Variants in NTM observed in about 807,000 individuals in gnomAD.
NTM encodes the protein IgLON family member 2.
In NTM, 13 loss-of-function variants were observed where a neutral mutation model predicts 42.1. The ratio of observed to expected loss-of-function variants is 0.31; its 90% confidence interval spans 0.20 to 0.49. The LOEUF (loss-of-function observed/expected upper bound fraction) is 0.49, where lower values mean the gene tolerates loss of function less well. NTM is among the 20% of genes least tolerant of loss of function. The probability of loss-of-function intolerance (pLI) is 0.99; values close to 1 mark genes in which losing one functional copy is unlikely to be tolerated. For synonymous variants in NTM, 187 were observed against 179.2 expected, an observed-to-expected ratio of 1.04 and a Z score of -0.35; for missense variants, 373 against 452.8, an observed-to-expected ratio of 0.82 and a Z score of 1.60.
At chr11:131,518,050 T>C (rs1170606993) in intron 1 of NTM, among the ~76,000 whole-genome samples, 5 of 152,234 alleles carry the variant, frequency 3.3e-5, no homozygotes, top group Non-Finnish European at 5.9e-5. Context: ...TTCACACGCA[T>C]AACCCCATTT....
intron 1 of NTM, among the ~76,000 whole-genome samples, chr11:131,806,429 T>G (rs1314414591): frequency 6.6e-6 from 1 of 152,190 alleles, no homozygotes; most frequent in African/African-American, 2.4e-5. Context: ...ATTCCAGAGT[T>G]TGTCTTTGTT....
chr11:131,984,677 G>A (rs766496269), intron 2 of NTM: 48 of 152,038 alleles, frequency 3.2e-4, no homozygotes, highest in Non-Finnish European at 6.3e-4. Context: ...TCTTTTAAAG[G>A]AAAATCATAG....
intron 1 of NTM, among the ~76,000 whole-genome samples, chr11:131,696,566 G>A (rs1565438214): frequency 6.6e-6 from 1 of 152,100 alleles, no homozygotes; most frequent in Non-Finnish European, 1.5e-5. Flanking sequence ...CGTACACCCT[G>A]TAGCTAAGTG....
intron 1 of NTM, among the ~76,000 whole-genome samples, chr11:131,598,021 C>T (rs963192785): frequency 2.0e-5 from 3 of 152,188 alleles, no homozygotes; most frequent in African/African-American, 7.2e-5. Flanking sequence ...CCAGCCCTTA[C>T]GCTGGGATCC....
At chr11:132,112,034 G>T (rs1591588411) in intron 2 of NTM, among the ~76,000 whole-genome samples, 1 of 152,312 alleles carries the variant, frequency 6.6e-6, no homozygotes, top group African/African-American at 2.4e-5. Flanking sequence ...TACAACAAAA[G>T]GTCATCCCTC....
chr11:132,294,486 GT>G (rs1341921865), intron 4 of NTM, among the ~76,000 whole-genome samples: 5 of 152,154 alleles, frequency 3.3e-5, no homozygotes, highest in African/African-American at 4.8e-5. Context: ...AAGGTTGCTA[GT>G]TTTTTCACGC....
chr11:132,328,213 A>G (rs1244141926), intron 7 of NTM, among the ~76,000 whole-genome samples: 1 of 152,176 alleles, frequency 6.6e-6, no homozygotes, highest in Admixed American at 6.5e-5. Context: ...ATGGGTTTAG[A>G]GTATATACGA....
chr11:131,940,007 A>G (rs896927132), intron 2 of NTM, among the ~76,000 whole-genome samples: 12 of 152,216 alleles, frequency 7.9e-5, no homozygotes, highest in African/African-American at 2.7e-4. Flanking sequence ...TTGTCTAAGT[A>G]GTTCTGCTCT....
chr11:132,179,335 G>A (rs902360301), intron 3 of NTM, among the ~76,000 whole-genome samples: 10 of 152,138 alleles, frequency 6.6e-5, no homozygotes, highest in Non-Finnish European at 1.5e-4. Context: ...AAATCCTAGG[G>A]AGAGAGGGGC....
chr11:131,458,798 C>A, intron 1 of NTM, among the ~76,000 whole-genome samples: 1 of 152,216 alleles, frequency 6.6e-6, no homozygotes, highest in East Asian at 1.9e-4. Flanking sequence ...AAACTTAGTT[C>A]ACATCAAGTC....
intron 1 of NTM, among the ~76,000 whole-genome samples, chr11:131,462,711 C>T (rs1157173849): frequency 6.6e-6 from 1 of 152,138 alleles, no homozygotes; most frequent in Admixed American, 6.5e-5. Flanking sequence ...CTGCCCTCTT[C>T]CTAGCATTGT....
In NTM at chr11:132,336,207, T is replaced by C. The variant is rs890672123; in HGVS notation, c.*1061T>C. The C allele has an allele frequency of 1.3e-5, 2 of 152,606 alleles. No homozygotes were observed. Among genetic ancestry groups the C allele is most frequent in the Admixed American group, 6.5e-5 (1 of 15,286 alleles). The allele number at this position is 152,606 out of a possible 1,614,324, so 9.5% of individuals were successfully genotyped here. On this transcript the variant is annotated 3_prime_UTR_variant, in exon 9 of 9. Transcript: ENST00000683400. ...ACATATATTTTTTTTGTTAGAGTTC[T>C]AGCCATTTTATTTCTCCGCAGGGTC...
chr11:131,426,619 A>G (rs1035334209), intron 1 of NTM, among the ~76,000 whole-genome samples: 2 of 152,190 alleles, frequency 1.3e-5, no homozygotes, highest in Non-Finnish European at 2.9e-5. Flanking sequence ...GCGGCTCTTA[A>G]TCTGAAATGA....
At chr11:132,289,440 T>C (rs1401650347) in intron 4 of NTM, among the ~76,000 whole-genome samples, 1 of 152,212 alleles carries the variant, frequency 6.6e-6, no homozygotes, top group Non-Finnish European at 1.5e-5. Flanking sequence ...TACATTGCTA[T>C]ACCTGATTCC....
chr11:132,307,497 G>A, intron 4 of NTM, 192 bp from the exon 5 acceptor site: 1 of 218,370 alleles, frequency 4.6e-6, no homozygotes, highest in Non-Finnish European at 7.8e-6. Context: ...CCACTGGGGA[G>A]CCAAGGAAAA....
chr11:131,599,715 A>C (rs2060301578), intron 1 of NTM, among the ~76,000 whole-genome samples: 1 of 152,202 alleles, frequency 6.6e-6, no homozygotes, highest in Admixed American at 6.5e-5. Flanking sequence ...AGATGCTGTG[A>C]TAGGCAAGGG....
At chr11:131,694,382 G>T (rs577020317) in intron 1 of NTM, among the ~76,000 whole-genome samples, 1 of 152,296 alleles carries the variant, frequency 6.6e-6, no homozygotes, top group South Asian at 2.1e-4. Flanking sequence ...TAGGGCTATG[G>T]TGATTTTTTA....
At chr11:131,956,185 G>C (rs181237512) in intron 2 of NTM, among the ~76,000 whole-genome samples, 211 of 152,298 alleles carry the variant, frequency 1.4e-3, no homozygotes, top group African/African-American at 4.7e-3. Context: ...GAGACGTGGG[G>C]AATGCCACGT....
At chr11:131,992,246 TTTC>T (rs2067161180) in intron 2 of NTM, among the ~76,000 whole-genome samples, 1 of 152,194 alleles carries the variant, frequency 6.6e-6, no homozygotes, top group Non-Finnish European at 1.5e-5. Flanking sequence ...TTTCTATGAT[TTTC>T]TTAACATTTT....
Sources: gnomAD v4.1 joint callset for allele counts (sites outside exome capture counted in the v4.1 genomes callset) on GRCh38, gnomAD v4.1.1 for gene constraint, MANE v1.5 for transcripts, NCBI Gene and HGNC (gene_info 2026-07-23, HGNC 2026-07-21) for gene names.